The following CHD6 variants were observed in gnomAD, a reference collection of about 807,000 sequenced individuals.
CHD6 encodes chromodomain helicase DNA binding protein 6.
CHD6 carries 50 observed loss-of-function variants against 276.9 expected under a neutral mutation model. The ratio of observed to expected loss-of-function variants is 0.18; its 90% CI spans 0.14 to 0.23. The LOEUF (loss-of-function observed/expected upper bound fraction) is 0.23, where lower values mean the gene tolerates loss of function less well. Among genes scored for constraint, CHD6 ranks in the 10% least tolerant of loss-of-function variants. CHD6 has a pLI of 1.00. For synonymous variants in CHD6, 1,173 were observed against 1,229.3 expected, an observed-to-expected ratio of 0.95 and a Z score of 0.96; for missense variants, 2,564 against 3,365.8, an observed-to-expected ratio of 0.76 and a Z score of 5.89.
At chr20:41,444,177 TA>T (rs1263002557) in intron 25 of CHD6, among the ~76,000 whole-genome samples, 1 of 152,140 alleles carries the variant, frequency 6.6e-6, no homozygotes, top group African/African-American at 2.4e-5. Context: ...AAAACTAGGT[TA>T]AACCAAGTCT....
At position 41,458,091 on chromosome 20, in the gene CHD6, T is replaced by C. The variant is rs79689435; in HGVS notation, c.2665-663A>G. 4.8e-3 allele frequency among the ~76,000 whole-genome samples: 727 copies of C among 152,322 alleles called. 3 individuals carry two copies. The highest frequency in any genetic ancestry group is 6.9e-3 in the Non-Finnish European group (472 of 68,022). On this transcript the variant is annotated intron_variant, in intron 17 of 36. Transcript: ENST00000373233. ...TTTATTTCCTGTATTTTCTCTAAAC[T>C]AGGAGTTCTACCTTGGAACCTGATC... is the stretch of plus-strand genomic sequence containing the variant.
At position 41,491,805 on chromosome 20, in the gene CHD6, TGAA is replaced by T; in HGVS notation, c.1326_1328del (p.Ser443del). 6.2e-7 allele frequency: 1 copy of T among 1,613,912 alleles called. No individual in the cohort carries two copies. Among genetic ancestry groups the T allele is most frequent in the Non-Finnish European group, 8.5e-7 (1 of 1,179,846 alleles). ...ACTTCTCAAGTTTCTGCCAGGAGTC[TGAA>T]GCAGGCCGCTCCTAGGGAGGAAAGC... On this transcript the variant is annotated inframe_deletion, in exon 11 of 37. Transcript: ENST00000373233.
intron 1 of CHD6, among the ~76,000 whole-genome samples, chr20:41,563,313 A>T (rs1456579069): frequency 6.6e-6 from 1 of 151,978 alleles, no homozygotes; most frequent in Non-Finnish European, 1.5e-5. Flanking sequence ...TCACTGAATG[A>T]CTCTCCTCTG....
intron 1 of CHD6, among the ~76,000 whole-genome samples, chr20:41,567,859 C>T (rs2045376002): frequency 6.6e-6 from 1 of 152,188 alleles, no homozygotes; most frequent in African/African-American, 2.4e-5. Flanking sequence ...TGAAGGAACA[C>T]AAGGCTGCTA....
intron 26 of CHD6, among the ~76,000 whole-genome samples, chr20:41,439,119 A>T (rs2047815003): frequency 6.6e-6 from 1 of 152,156 alleles, no homozygotes; most frequent in African/African-American, 2.4e-5. Flanking sequence ...GTACTTTGGG[A>T]GGCTGAGGTG....
In CHD6 at chr20:41,558,851, C is replaced by T. The variant is rs199779924; in HGVS notation, c.-23-7491G>A. On this transcript the variant is annotated intron_variant, in intron 1 of 36. Coordinates refer to ENST00000373233, the MANE Select transcript of CHD6 (RefSeq NM_032221.5). Reference sequence around the variant, plus strand: ...TACAGAAAACAGCACCCCCACCTCCCACCCACCACCACTCTGTTACTCTCT... The same window carrying T: ...TACAGAAAACAGCACCCCCACCTCCTACCCACCACCACTCTGTTACTCTCT... Among the ~76,000 whole-genome samples the T allele has an allele frequency of 1.6e-4, 24 of 152,236 alleles. No individual in the cohort carries two copies. In the East Asian group the frequency reaches 4.1e-3, roughly 26 times the overall value.
chr20:41,419,085 G>A (rs375306864), intron 31 of CHD6, among the ~76,000 whole-genome samples: 1 of 152,138 alleles, frequency 6.6e-6, no homozygotes, highest in Admixed American at 6.5e-5. Flanking sequence ...GCAATGCTTC[G>A]TGGCCTGCCA....
At chr20:41,545,869 A>C (rs1236255756) in intron 2 of CHD6, among the ~76,000 whole-genome samples, 1 of 152,016 alleles carries the variant, frequency 6.6e-6, no homozygotes, top group African/African-American at 2.4e-5. Flanking sequence ...AAAGCCTGAA[A>C]CCTAGCTCCC....
chr20:41,594,951 G>A (rs2045703104), intron 1 of CHD6, among the ~76,000 whole-genome samples: 7 of 152,226 alleles, frequency 4.6e-5, no homozygotes, highest in Admixed American at 4.6e-4. Context: ...AGAAGTAAAT[G>A]TGTCTTGCTG....
chr20:41,615,300 T>C (rs1171337072), intron 1 of CHD6, among the ~76,000 whole-genome samples: 1 of 149,572 alleles, frequency 6.7e-6, no homozygotes, highest in Non-Finnish European at 1.5e-5. Context: ...AGGTATTCAA[T>C]CAATGCTAGT....
At chr20:41,450,211 C>A (rs1414754277) in intron 23 of CHD6, among the ~76,000 whole-genome samples, 1 of 152,202 alleles carries the variant, frequency 6.6e-6, no homozygotes, top group Non-Finnish European at 1.5e-5. Flanking sequence ...AGCAAAAGCT[C>A]TTAACCTATA....
At chr20:41,603,543 C>T (rs994650607) in intron 1 of CHD6, among the ~76,000 whole-genome samples, 1 of 152,048 alleles carries the variant, frequency 6.6e-6, no homozygotes, top group Non-Finnish European at 1.5e-5. Context: ...CATTTCAAGG[C>T]ATTAAGGTTG....
intron 23 of CHD6, 99 bp downstream of exon 23, chr20:41,450,847 G>A: frequency 9.1e-7 from 1 of 1,104,946 alleles, no homozygotes; most frequent in Non-Finnish European, 1.3e-6. Flanking sequence ...TTGCACAGAA[G>A]TAGCACAAGA....
At chr20:41,564,162 A>G (rs965671624) in intron 1 of CHD6, 10 of 727,290 alleles carry the variant, frequency 1.4e-5, no homozygotes, top group African/African-American at 3.5e-5. Context: ...CTAAAAACAA[A>G]AAGTTACTCT....
At chr20:41,461,662 T>C (rs898148701) in intron 17 of CHD6, 4 of 152,702 alleles carry the variant, frequency 2.6e-5, no homozygotes, top group Non-Finnish European at 5.8e-5. Context: ...CCCCGGTATG[T>C]CTTTATCAGC....
chr20:41,519,957 G>C (rs1336749237), intron 3 of CHD6, among the ~76,000 whole-genome samples: 1 of 152,068 alleles, frequency 6.6e-6, no homozygotes, highest in Non-Finnish European at 1.5e-5. Flanking sequence ...AATCAGCAAC[G>C]AGCTCAAAAC....
chr20:41,568,781 C>T (rs1255693203), intron 1 of CHD6, among the ~76,000 whole-genome samples: 1 of 152,152 alleles, frequency 6.6e-6, no homozygotes, highest in Non-Finnish European at 1.5e-5. Flanking sequence ...AACCTACTTC[C>T]ACATCCTACA....
intron 1 of CHD6, among the ~76,000 whole-genome samples, chr20:41,612,987 A>G (rs1696619845): frequency 6.6e-6 from 1 of 152,152 alleles, no homozygotes; most frequent in African/African-American, 2.4e-5. Flanking sequence ...TTACTCTAAT[A>G]TTGTTTTGGC....
At chr20:41,423,950 T>C (rs2047279307) in intron 29 of CHD6, among the ~76,000 whole-genome samples, 1 of 152,262 alleles carries the variant, frequency 6.6e-6, no homozygotes, top group African/African-American at 2.4e-5. Context: ...TTTACCTCCC[T>C]ATTTCTAAAC....
Sources: allele counts gnomAD v4.1 joint callset (sites outside exome capture counted in the v4.1 genomes callset), GRCh38; gene constraint gnomAD v4.1.1; transcripts MANE v1.5; gene names NCBI Gene and HGNC (gene_info 2026-07-23, HGNC 2026-07-21).